Variants in LRMDA observed in about 807,000 individuals in gnomAD.
The protein encoded by LRMDA is leucine-rich melanocyte differentiation-associated protein.
Under a neutral mutation model 29.8 loss-of-function variants are expected in LRMDA, and 18 were observed. That is an observed-to-expected ratio of 0.60 (90% CI 0.42 to 0.90). The LOEUF (loss-of-function observed/expected upper bound fraction) is 0.90, where lower values mean the gene tolerates loss of function less well. LRMDA is among the 40% of genes least tolerant of loss of function. The pLI, the probability that LRMDA is intolerant of heterozygous loss-of-function variation, is 0.00. For missense variants in LRMDA, 273 were observed against 273.9 expected (o/e 1.00, Z 0.02); for synonymous variants, 125 against 109.4 (o/e 1.14, Z -0.89).
At chr10:76,535,290 A>C (rs536921089) in intron 6 of LRMDA, among the ~76,000 whole-genome samples, 1 of 152,290 alleles carries the variant, frequency 6.6e-6, no homozygotes, top group South Asian at 2.1e-4. Flanking sequence ...TATATGTGGA[A>C]TATATGCTCT....
intron 2 of LRMDA, among the ~76,000 whole-genome samples, chr10:75,498,168 C>T (rs944657552): frequency 4.6e-5 from 7 of 152,130 alleles, no homozygotes; most frequent in Non-Finnish European, 8.8e-5. Flanking sequence ...TGACATTTTC[C>T]TTGGTCCCTA....
At chr10:76,430,308 G>T (rs1842177895) in intron 6 of LRMDA, among the ~76,000 whole-genome samples, 1 of 152,132 alleles carries the variant, frequency 6.6e-6, no homozygotes, top group African/African-American at 2.4e-5. Context: ...AGAACACACT[G>T]GAGCCCCTTC....
intron 5 of LRMDA, among the ~76,000 whole-genome samples, chr10:76,222,691 C>A (rs1444962624): frequency 2.0e-5 from 3 of 152,288 alleles, no homozygotes; most frequent in South Asian, 2.1e-4. Flanking sequence ...TAGTTCAACC[C>A]TTGTGGAAGT....
At position 76,259,232 on chromosome 10, in the gene LRMDA, A is replaced by G. The variant is rs145392755; in HGVS notation, c.517-65169A>G. Among the ~76,000 whole-genome samples, 421 of 152,116 alleles carry G rather than the reference A, an allele frequency of 2.8e-3. 22 individuals are homozygous for G. In the East Asian group the frequency reaches 0.062, roughly 23 times the overall value. ...GATGATTAGTGATGTTGGGTATTTG[A>G]AAATATATTTCTTGGCCATTCGTAT... On this transcript the variant is annotated intron_variant, in intron 5 of 6. Coordinates refer to ENST00000611255, the MANE Select transcript of LRMDA (RefSeq NM_001305581.2).
At chr10:76,311,172 T>C (rs191136889) in intron 5 of LRMDA, among the ~76,000 whole-genome samples, 4 of 152,354 alleles carry the variant, frequency 2.6e-5, no homozygotes, top group Admixed American at 2.6e-4. Context: ...AACCCAAGAA[T>C]GCACACGTAT....
At position 76,254,310 on chromosome 10, in the gene LRMDA, C is replaced by T. The variant is rs751790853; in HGVS notation, c.517-70091C>T. Among the ~76,000 whole-genome samples, 500 of 144,008 alleles carry T rather than the reference C, an allele frequency of 3.5e-3. 6 individuals carry two copies. Among genetic ancestry groups the T allele is most frequent in the African/African-American group, 0.013 (475 of 37,086 alleles). 94.5% of individuals were successfully genotyped at this position (144,008 alleles called of 152,430 possible). ...TATACTATACTATACTATACCATACCATACCATACCATACCATACCATACC... is the reference window on the plus strand; with the variant it reads ...TATACTATACTATACTATACCATACTATACCATACCATACCATACCATACC... On this transcript the variant is annotated intron_variant, in intron 5 of 6. Transcript: ENST00000611255.
At chr10:75,967,280 C>T (rs765160240) in intron 2 of LRMDA, among the ~76,000 whole-genome samples, 1 of 152,160 alleles carries the variant, frequency 6.6e-6, no homozygotes, top group Non-Finnish European at 1.5e-5. Flanking sequence ...TACATAGCAT[C>T]TTAAACTGTA....
At position 76,518,280 on chromosome 10, in the gene LRMDA, C is replaced by CATTTATCT. The variant is rs1554825369; in HGVS notation, c.602-38927_602-38926insTTATCTAT. ...CCTATCCATCTATCCATTTATCTAT[C>CATTTATCT]ATCTATCTATCTATCTATCTATCTA... is the stretch of plus-strand genomic sequence containing the variant. On this transcript the variant is annotated intron_variant, in intron 6 of 6. Coordinates refer to ENST00000611255, the MANE Select transcript of LRMDA (RefSeq NM_001305581.2). Among the ~76,000 whole-genome samples the CATTTATCT allele has an allele frequency of 2.0e-5, 3 of 146,570 alleles. No individual in the cohort carries two copies. The Admixed American group carries it at 2.1e-4, about 10-fold the overall frequency.
At chr10:75,493,013 G>T (rs1845005391) in intron 2 of LRMDA, among the ~76,000 whole-genome samples, 1 of 152,132 alleles carries the variant, frequency 6.6e-6, no homozygotes, top group Non-Finnish European at 1.5e-5. Flanking sequence ...ATTGTTCATG[G>T]CCTCGGTAAA....
At chr10:76,216,968 A>G (rs1297038905) in intron 5 of LRMDA, among the ~76,000 whole-genome samples, 1 of 152,220 alleles carries the variant, frequency 6.6e-6, no homozygotes, top group Non-Finnish European at 1.5e-5. Context: ...ACAATATTGT[A>G]TATCTTGTAA....
chr10:76,487,929 A>C (rs942925893), intron 6 of LRMDA, among the ~76,000 whole-genome samples: 1 of 151,918 alleles, frequency 6.6e-6, no homozygotes, highest in Non-Finnish European at 1.5e-5. Flanking sequence ...TTTCTAAATT[A>C]AGGATAATAA....
chr10:76,439,501 G>T (rs537799112), intron 6 of LRMDA, among the ~76,000 whole-genome samples: 1 of 152,158 alleles, frequency 6.6e-6, no homozygotes, highest in African/African-American at 2.4e-5. Context: ...CAGGGAAAGC[G>T]CCCAGTTAGA....
intron 5 of LRMDA, among the ~76,000 whole-genome samples, chr10:76,258,904 G>A (rs545898334): frequency 1.3e-5 from 2 of 152,218 alleles, no homozygotes; most frequent in African/African-American, 4.8e-5. Flanking sequence ...CTTGGCTATT[G>A]TGAATAGTGC....
At chr10:76,377,792 A>G (rs568318641) in intron 6 of LRMDA, among the ~76,000 whole-genome samples, 20 of 152,252 alleles carry the variant, frequency 1.3e-4, no homozygotes, top group African/African-American at 4.3e-4. Context: ...TTTGTAGTAT[A>G]ATTTGAAGTC....
chr10:75,925,550 T>G (rs762975097), intron 2 of LRMDA, among the ~76,000 whole-genome samples: 4 of 118,048 alleles, frequency 3.4e-5, no homozygotes, highest in Non-Finnish European at 7.2e-5. Context: ...GTTTAGTAGT[T>G]TGGAGGGGGG....
rs114324755 is a variant in LRMDA at position 75,796,267 on chromosome 10, T to C, written c.132-239741T>C. Among the ~76,000 whole-genome samples the C allele has an allele frequency of 8.8e-4, 134 of 152,302 alleles. 1 individual carries two copies. The highest frequency in any genetic ancestry group is 3.1e-3 in the African/African-American group (130 of 41,570). On this transcript the variant is annotated intron_variant, in intron 2 of 6. Coordinates refer to ENST00000611255, the MANE Select transcript of LRMDA (RefSeq NM_001305581.2). ...ACAGACATCTTTGCCTCATTCTTAG[T>C]ATTAGAAGGAAAGTTTTTATTATTT...
intron 5 of LRMDA, among the ~76,000 whole-genome samples, chr10:76,194,974 G>T (rs1408568465): frequency 2.0e-5 from 3 of 152,000 alleles, no homozygotes; most frequent in Non-Finnish European, 2.9e-5. Flanking sequence ...TTTCTACAAA[G>T]CATCTTGTGA....
At chr10:76,517,261 T>C (rs937724761) in intron 6 of LRMDA, among the ~76,000 whole-genome samples, 4 of 152,082 alleles carry the variant, frequency 2.6e-5, no homozygotes, top group Non-Finnish European at 5.9e-5. Flanking sequence ...TGGCAAAGCA[T>C]GCAGATAAAC....
At position 75,813,090 on chromosome 10, in the gene LRMDA, C is replaced by G. The variant is rs114560089; in HGVS notation, c.132-222918C>G. Among the ~76,000 whole-genome samples the G allele has an allele frequency of 4.7e-3, 722 of 152,236 alleles. 8 individuals carry two copies. Among genetic ancestry groups the G allele is most frequent in the African/African-American group, 0.017 (707 of 41,546 alleles). ...GAGGCTTTTTCAGAACAGCAGCAGACAAGTGAGGGATCACTCACGGGCAAT... is the reference window on the plus strand; with the variant it reads ...GAGGCTTTTTCAGAACAGCAGCAGAGAAGTGAGGGATCACTCACGGGCAAT... On this transcript the variant is annotated intron_variant, in intron 2 of 6. Transcript: ENST00000611255.
Sources: gnomAD v4.1 joint callset for allele counts (sites outside exome capture counted in the v4.1 genomes callset) on GRCh38, gnomAD v4.1.1 for gene constraint, MANE v1.5 for transcripts, NCBI Gene and HGNC (gene_info 2026-07-23, HGNC 2026-07-21) for gene names.